The following FBXO15 variants were observed in gnomAD, a reference collection of about 807,000 sequenced individuals.
The protein encoded by FBXO15 is F-box only protein 15.
FBXO15 carries 30 observed loss-of-function variants against 49.5 expected under a neutral mutation model. The observed-to-expected ratio is 0.61, with a 90% CI of 0.45 to 0.82. The LOEUF (loss-of-function observed/expected upper bound fraction) is 0.82, where lower values mean the gene tolerates loss of function less well. Ranked by LOEUF, FBXO15 falls within the 40% of genes least tolerant of loss-of-function variation. The pLI is 0.00. For missense variants in FBXO15, 591 were observed against 631.5 expected, an observed-to-expected ratio of 0.94 and a Z score of 0.69; for synonymous variants, 250 against 232.7, an observed-to-expected ratio of 1.07 and a Z score of -0.68.
rs1489577032 is a variant in FBXO15, at chr18:74,124,550, C to A, written c.934G>T (p.Val312Phe). The A allele has an allele frequency of 6.2e-7, 1 of 1,614,026 alleles. No homozygotes were observed. The change falls in exon 7 of 10, where the codon GTT becomes TTT. Residue 312 changes from valine to phenylalanine, a missense_variant. Transcript: ENST00000419743. ...VWKKEEELAFVMANLHFHHLV... is the reference protein window; with the variant it reads ...VWKKEEELAFFMANLHFHHLV... ...TGATGAAAATGAAGATTTGCCATAA[C>A]AAAAGCCAGTTCTTCCTCCTTCTGA...
chr18:74,095,465 G>T (rs1288263642), intron 8 of FBXO15, among the ~76,000 whole-genome samples: 1 of 152,130 alleles, frequency 6.6e-6, no homozygotes, highest in African/African-American at 2.4e-5. Context: ...TTTTACCAGG[G>T]AATAGAAAGG....
At chr18:74,083,046 C>T (rs574321339) in intron 8 of FBXO15, among the ~76,000 whole-genome samples, 25 of 152,314 alleles carry the variant, frequency 1.6e-4, no homozygotes, top group African/African-American at 6.0e-4. Context: ...CCACACTTTG[C>T]CTGGGGCCTC....
intron 8 of FBXO15, among the ~76,000 whole-genome samples, chr18:74,119,603 A>T (rs1280324515): frequency 6.6e-6 from 1 of 152,144 alleles, no homozygotes; most frequent in African/African-American, 2.4e-5. Context: ...GCTCAGAGAG[A>T]CATGACCCCC....
chr18:74,130,077 A>C (rs576702147), intron 4 of FBXO15, among the ~76,000 whole-genome samples: 1 of 152,312 alleles, frequency 6.6e-6, no homozygotes, highest in African/African-American at 2.4e-5. Flanking sequence ...CTCCTCCCGT[A>C]TTCTTTAAAT....
At chr18:74,115,933 T>C (rs976515455) in intron 8 of FBXO15, among the ~76,000 whole-genome samples, 1 of 152,234 alleles carries the variant, frequency 6.6e-6, no homozygotes, top group Admixed American at 6.5e-5. Flanking sequence ...TTGGTCACTG[T>C]AGTTTCAGAG....
At chr18:74,123,222 T>G (rs1914545063) in intron 8 of FBXO15, 146 bp downstream of exon 8, 1 of 837,320 alleles carries the variant, frequency 1.2e-6, no homozygotes, top group Non-Finnish European at 1.9e-6. Context: ...TCACAAGCCC[T>G]GGGATGACAC....
intron 8 of FBXO15, among the ~76,000 whole-genome samples, chr18:74,102,647 T>C (rs1913574207): frequency 6.6e-6 from 1 of 152,188 alleles, no homozygotes; most frequent in Non-Finnish European, 1.5e-5. Context: ...AAAAAGATAC[T>C]TGCTCATGCA....
At chr18:74,090,564 C>T (rs556268597) in intron 8 of FBXO15, among the ~76,000 whole-genome samples, 2 of 152,290 alleles carry the variant, frequency 1.3e-5, no homozygotes, top group South Asian at 4.1e-4. Flanking sequence ...TCCTTCATAA[C>T]ACTGCCTTAG....
rs373339662 is a variant in FBXO15, at chr18:74,147,434, C to A, written c.116+236G>T. The stretch of plus-strand genomic sequence containing the variant: ...AGGTGCGCGCATCCCCGGCCACAGG[C>A]GCCGCAAGAAAAAATATTTCCCCGA... On this transcript the variant is annotated intron_variant, in intron 1 of 9. Transcript: ENST00000419743. 107 of 1,129,924 alleles carry A rather than the reference C, an allele frequency of 9.5e-5. No individual in the cohort carries two copies. In the African/African-American group the frequency reaches 1.6e-3, roughly 17 times the overall value. 70.0% of individuals were successfully genotyped at this position (1,129,924 alleles called of 1,614,324 possible).
Position 74,130,518 on chromosome 18 carries a change from T to A in FBXO15, c.473A>T (p.Tyr158Phe), listed in dbSNP as rs1367871518. 1 of 1,614,200 alleles carries A rather than the reference T, an allele frequency of 6.2e-7. No individual in the cohort carries two copies. The highest frequency in any genetic ancestry group is 8.5e-7 in the Non-Finnish European group (1 of 1,180,020). Residue 158 changes from tyrosine to phenylalanine, a missense_variant, in exon 4 of 10, where the codon TAT (tyrosine) becomes TTT (phenylalanine). Tyr to Phe is a conservative substitution (Grantham distance 22). Coordinates refer to ENST00000419743, the MANE Select transcript of FBXO15 (RefSeq NM_001142958.2). The stretch of plus-strand genomic sequence containing the variant: ...TACAGATGCTATTTGTTTTGTGATA[T>A]ATTCTTTCTTCCAATAACCAGCTTC... ...DKEAGYWKKE[Y>F]ITKQIASVKA...
intron 3 of FBXO15, among the ~76,000 whole-genome samples, chr18:74,135,189 G>T (rs1044309010): frequency 6.6e-6 from 1 of 152,142 alleles, no homozygotes; most frequent in African/African-American, 2.4e-5. Flanking sequence ...GACCACAGGT[G>T]AACCCCTCTC....
At chr18:74,080,197 G>T (rs1197026502) in intron 9 of FBXO15, among the ~76,000 whole-genome samples, 1 of 152,192 alleles carries the variant, frequency 6.6e-6, no homozygotes, top group Non-Finnish European at 1.5e-5. Context: ...TTCTTAGGGT[G>T]ATCAGATTCC....
chr18:74,097,040 G>A (rs997165500), intron 8 of FBXO15: 3 of 152,324 alleles, frequency 2.0e-5, no homozygotes, highest in Non-Finnish European at 4.4e-5. Flanking sequence ...TTAGAGAGCC[G>A]AGTGAAATAC....
chr18:74,144,753 A>C (rs1979302247), intron 1 of FBXO15, among the ~76,000 whole-genome samples: 1 of 152,204 alleles, frequency 6.6e-6, no homozygotes, highest in Non-Finnish European at 1.5e-5. Flanking sequence ...CAGACAAAGA[A>C]GATGCTCTAT....
In FBXO15 at chr18:74,075,004, C is replaced by T. The variant is rs1399280718; in HGVS notation, c.1264-1274G>A. Among the ~76,000 whole-genome samples the T allele has an allele frequency of 6.6e-6, 1 of 152,184 alleles. No individual in the cohort carries two copies. Among genetic ancestry groups the T allele is most frequent in the Non-Finnish European group, 1.5e-5 (1 of 68,036 alleles). Reference sequence around the variant, plus strand: ...AGGGCCAGGTCCAGCAAAACCCCAGCCCCAGAGGAGCGCAGTTATTTTCTA... The same window carrying T: ...AGGGCCAGGTCCAGCAAAACCCCAGTCCCAGAGGAGCGCAGTTATTTTCTA... On this transcript the variant is annotated intron_variant, in intron 9 of 9. Coordinates refer to ENST00000419743, the MANE Select transcript of FBXO15 (RefSeq NM_001142958.2). This position sits in a 1 kb window ranked among gnomAD's most constrained non-coding sequence, Gnocchi z 4.1.
chr18:74,093,267 G>GGGA, intron 8 of FBXO15, among the ~76,000 whole-genome samples: 1 of 150,082 alleles, frequency 6.7e-6, no homozygotes, highest in African/African-American at 2.4e-5. Context: ...AAACAATGGG[G>GGGA]GGGGGGTGGC....
chr18:74,091,286 C>T (rs1913015655), intron 8 of FBXO15, among the ~76,000 whole-genome samples: 1 of 152,064 alleles, frequency 6.6e-6, no homozygotes, highest in Admixed American at 6.6e-5. Context: ...CTATAGGTGT[C>T]ACTGCATGTG....
At chr18:74,146,353 T>A (rs779715474) in intron 1 of FBXO15, among the ~76,000 whole-genome samples, 61 of 152,316 alleles carry the variant, frequency 4.0e-4, no homozygotes, top group Non-Finnish European at 5.3e-4. Flanking sequence ...TTACCAAAAA[T>A]AATGCATACA....
chr18:74,104,757 C>T (rs1913675460), intron 8 of FBXO15, among the ~76,000 whole-genome samples: 1 of 152,062 alleles, frequency 6.6e-6, no homozygotes, highest in African/African-American at 2.4e-5. Flanking sequence ...ATCTGTGCAT[C>T]CAACAGCAGA....
Sources: gnomAD v4.1 joint callset for allele counts (sites outside exome capture counted in the v4.1 genomes callset) on GRCh38, gnomAD v4.1.1 for gene constraint, Gnocchi (gnomAD v3.1) non-coding constraint, MANE v1.5 for transcripts, NCBI Gene and HGNC (gene_info 2026-07-23, HGNC 2026-07-21) for gene names.